NBEAL1: variants seen among roughly 807,000 people sequenced by gnomAD.
The protein encoded by NBEAL1 is neurobeachin like 1.
Under a neutral mutation model 351.3 loss-of-function variants are expected in NBEAL1, and 273 were observed. The observed-to-expected ratio is 0.78, with a 90% CI of 0.70 to 0.86. The LOEUF (loss-of-function observed/expected upper bound fraction) is 0.86. NBEAL1 is among the 40% of genes least tolerant of loss of function. The pLI is 0.00. For synonymous variants in NBEAL1, 1,050 were observed against 1,086.4 expected, an observed-to-expected ratio of 0.97 and a Z score of 0.66; for missense variants, 2,961 against 3,201.3, an observed-to-expected ratio of 0.92 and a Z score of 1.81.
chr2:203,138,462 G>C, intron 30 of NBEAL1, 147 bp downstream of exon 30: 1 of 1,005,762 alleles, frequency 9.9e-7, no homozygotes, highest in Non-Finnish European at 1.4e-6. Context: ...ACAGATTTTT[G>C]TTAGCTATTA....
At chr2:203,188,248 GTTAATA>G (rs1314473348) in intron 44 of NBEAL1, among the ~76,000 whole-genome samples, 1 of 152,020 alleles carries the variant, frequency 6.6e-6, no homozygotes, top group Non-Finnish European at 1.5e-5. Flanking sequence ...AAATGCATAT[GTTAATA>G]TTAATAAATA....
At chr2:203,139,657 C>T (rs1352514337) in intron 31 of NBEAL1, among the ~76,000 whole-genome samples, 1 of 148,178 alleles carries the variant, frequency 6.7e-6, no homozygotes, top group Non-Finnish European at 1.5e-5. Flanking sequence ...CTCCACCTCC[C>T]AGGTTCAAGC....
At chr2:203,128,954 A>T (rs1013960365) in intron 24 of NBEAL1, among the ~76,000 whole-genome samples, 1 of 152,152 alleles carries the variant, frequency 6.6e-6, no homozygotes, top group Admixed American at 6.5e-5. Context: ...GTAAATTATA[A>T]ATGTGTGTCT....
chr2:203,134,009 A>G (rs1188360640), intron 27 of NBEAL1, among the ~76,000 whole-genome samples: 1 of 151,954 alleles, frequency 6.6e-6, no homozygotes, highest in African/African-American at 2.4e-5. Context: ...TATGTTTTCC[A>G]ATTTGTGGTA....
chr2:203,146,362 G>A (rs2063514140), intron 33 of NBEAL1, among the ~76,000 whole-genome samples: 5 of 152,088 alleles, frequency 3.3e-5, no homozygotes, highest in Admixed American at 3.3e-4. Flanking sequence ...AAATAGAAAA[G>A]TAGGAACATT....
intron 51 of NBEAL1, among the ~76,000 whole-genome samples, chr2:203,207,051 G>A (rs1248631929): frequency 6.6e-6 from 1 of 151,260 alleles, no homozygotes; most frequent in East Asian, 2.0e-4. Flanking sequence ...CTGAGATGTG[G>A]GGAGCGCCTC....
intron 6 of NBEAL1, among the ~76,000 whole-genome samples, chr2:203,060,686 G>GAGAC (rs2061484883): frequency 6.6e-6 from 1 of 152,160 alleles, no homozygotes; most frequent in South Asian, 2.1e-4. Flanking sequence ...CAAAAGCACA[G>GAGAC]AGACCCTCTT....
intron 23 of NBEAL1, 68 bp downstream of exon 23, chr2:203,126,994 A>G: frequency 9.5e-7 from 1 of 1,054,132 alleles, no homozygotes; most frequent in Non-Finnish European, 1.4e-6. Context: ...TGGAATGTGT[A>G]GACTGTAGAC....
chr2:203,030,254 GCAACATGGTAAGA>G (rs1042013796), intron 2 of NBEAL1, among the ~76,000 whole-genome samples: 1 of 152,126 alleles, frequency 6.6e-6, no homozygotes, highest in African/African-American at 2.4e-5. Context: ...TGAAAAACTG[GCAACATGGTAAGA>G]CATCATGAAA....
At chr2:203,214,765 A>ACT (rs1384140113) in intron 55 of NBEAL1, among the ~76,000 whole-genome samples, 1 of 152,104 alleles carries the variant, frequency 6.6e-6, no homozygotes, top group African/African-American at 2.4e-5. Context: ...ACAGAGCAAG[A>ACT]CTCTGTACTA....
At chr2:203,117,724 C>G (rs1209589256) in intron 18 of NBEAL1, among the ~76,000 whole-genome samples, 1 of 152,114 alleles carries the variant, frequency 6.6e-6, no homozygotes, top group Admixed American at 6.5e-5. Context: ...GTCTGCTACC[C>G]AGGTTGGAGT....
At chr2:203,059,845 CT>C (rs1553602807) in intron 6 of NBEAL1, among the ~76,000 whole-genome samples, 1 of 152,080 alleles carries the variant, frequency 6.6e-6, no homozygotes, top group Non-Finnish European at 1.5e-5. Context: ...AGAGACCTGT[CT>C]TTTTTTAAAA....
Position 203,172,014 on chromosome 2 carries a change from G to A in NBEAL1, c.6189G>A (p.Gln2063=). 2 of 1,578,244 alleles carry A rather than the reference G, an allele frequency of 1.3e-6. No individual in the cohort carries two copies. The highest frequency in any genetic ancestry group is 1.2e-5 in the South Asian group (1 of 84,048). ...GACGAACCTATAATGACCTTGCACA[G>A]TATCCTGTGGTAAGTTTTGCATAAA... is the stretch of plus-strand genomic sequence containing the variant. ...MAGRTYNDLA[Q]YPVFPWILQD... The change falls in exon 40 of 56, where the codon CAG becomes CAA. Residue 2063 remains glutamine, a synonymous_variant. Transcript: ENST00000683969.
At chr2:203,022,439 A>C (rs1371546027) in intron 2 of NBEAL1, among the ~76,000 whole-genome samples, 3 of 151,958 alleles carry the variant, frequency 2.0e-5, no homozygotes, top group Admixed American at 1.3e-4. Flanking sequence ...AGTTTTGTGA[A>C]GCTGCAGTAT....
Position 203,113,001 on chromosome 2 carries a change from T to G in NBEAL1, c.2203-14T>G, listed in dbSNP as rs2062607523. On this transcript the variant is annotated splice_polypyrimidine_tract_variant and intron_variant, in intron 16 of 55. Coordinates refer to ENST00000683969, the MANE Select transcript of NBEAL1 (RefSeq NM_001378026.1). ...TGTTAATTAAAATTGTGTAATTTGTTTGTTTGTTTTTAGCCCTTTACTTCC... is the reference window on the plus strand; with the variant it reads ...TGTTAATTAAAATTGTGTAATTTGTGTGTTTGTTTTTAGCCCTTTACTTCC... 2 of 1,428,726 alleles carry G rather than the reference T, an allele frequency of 1.4e-6. No homozygotes were observed. Among genetic ancestry groups the G allele is most frequent in the Admixed American group, 6.2e-5 (2 of 32,012 alleles). 88.5% of individuals were successfully genotyped at this position (1,428,726 alleles called of 1,614,324 possible). A position where few individuals can be genotyped will look rare whatever the true frequency, so the allele number is the denominator to read the frequency against.
At chr2:203,020,225 T>C (rs2060746005) in intron 2 of NBEAL1, among the ~76,000 whole-genome samples, 1 of 152,228 alleles carries the variant, frequency 6.6e-6, no homozygotes, top group South Asian at 2.1e-4. Context: ...GAATAGGCTT[T>C]AATTAAATTG....
At chr2:203,123,810 TG>T (rs2062881035) in intron 19 of NBEAL1, among the ~76,000 whole-genome samples, 1 of 152,208 alleles carries the variant, frequency 6.6e-6, no homozygotes, top group South Asian at 2.1e-4. Flanking sequence ...GCCGTTTTTT[TG>T]TGGCCTGAGT....
chr2:203,108,761 A>G (rs1239012051), intron 14 of NBEAL1, among the ~76,000 whole-genome samples: 1 of 152,198 alleles, frequency 6.6e-6, no homozygotes, highest in Non-Finnish European at 1.5e-5. Flanking sequence ...AATAACCTTG[A>G]AAATGGGCCA....
intron 41 of NBEAL1, among the ~76,000 whole-genome samples, chr2:203,173,329 A>G (rs1183983529): frequency 6.6e-6 from 1 of 152,144 alleles, no homozygotes; most frequent in Non-Finnish European, 1.5e-5. Context: ...AAGATTTTAT[A>G]GTTCTGTTTA....
Sources: gnomAD v4.1 joint callset for allele counts (sites outside exome capture counted in the v4.1 genomes callset) on GRCh38, gnomAD v4.1.1 for gene constraint, MANE v1.5 for transcripts, NCBI Gene and HGNC (gene_info 2026-07-23, HGNC 2026-07-21) for gene names.